MAL2: variants seen among roughly 807,000 people sequenced by gnomAD.
MAL2 encodes mal, T cell differentiation protein 2, also known as protein MAL2.
MAL2 carries 17 observed loss-of-function variants against 18.1 expected under a neutral mutation model. That is an observed-to-expected ratio of 0.94 (90% CI 0.64 to 1.41). MAL2 has a LOEUF of 1.41. Among genes scored for constraint, MAL2 ranks in the 40% most tolerant of loss-of-function variants. The pLI is 0.00. For missense variants in MAL2, 222 were observed against 231.9 expected (o/e 0.96, Z 0.28); for synonymous variants, 102 against 102.3 (o/e 1.00, Z 0.02).
At position 119,243,723 on chromosome 8, in the gene MAL2, T is replaced by G; in HGVS notation, c.*235T>G. 1 of 361,220 alleles carries G rather than the reference T, an allele frequency of 2.8e-6. No homozygotes were observed. The highest frequency in any genetic ancestry group is 4.9e-6 in the Non-Finnish European group (1 of 202,510). 22.4% of individuals were successfully genotyped at this position (361,220 alleles called of 1,614,324 possible). A position where few individuals can be genotyped will look rare whatever the true frequency, so the allele number is the denominator to read the frequency against. On this transcript the variant is annotated 3_prime_UTR_variant, in exon 4 of 4. Transcript: ENST00000614891. ...TCTCCCCTTTTTCCCTTTCCCCCTTTATTTTCCTCCTTTTCTTTCTGAAAG... is the reference window on the plus strand; with the variant it reads ...TCTCCCCTTTTTCCCTTTCCCCCTTGATTTTCCTCCTTTTCTTTCTGAAAG...
chr8:119,240,719 G>A (rs972126623), intron 3 of MAL2, among the ~76,000 whole-genome samples: 5 of 152,162 alleles, frequency 3.3e-5, no homozygotes, highest in Non-Finnish European at 1.5e-5. Context: ...AATAGTTACT[G>A]TGGGCCTACC....
intron 2 of MAL2, among the ~76,000 whole-genome samples, chr8:119,222,875 TA>T (rs1271620553): frequency 3.3e-5 from 5 of 151,918 alleles, no homozygotes; most frequent in African/African-American, 1.2e-4. Flanking sequence ...TTTTTAAAAT[TA>T]TGACACCATT....
At chr8:119,224,533 G>GT (rs1041836199) in intron 2 of MAL2, among the ~76,000 whole-genome samples, 5 of 151,900 alleles carry the variant, frequency 3.3e-5, no homozygotes, top group African/African-American at 7.3e-5. Flanking sequence ...TAATATATTG[G>GT]TTTTTTTAAG....
intron 2 of MAL2, among the ~76,000 whole-genome samples, chr8:119,230,699 TAAATGAGTGCC>T (rs1310364881): frequency 6.6e-6 from 1 of 151,366 alleles, no homozygotes; most frequent in Admixed American, 6.6e-5. Flanking sequence ...CTCAGTAAGT[TAAATGAGTGCC>T]TAATGATCTC....
intron 2 of MAL2, among the ~76,000 whole-genome samples, chr8:119,228,713 C>G (rs1220337814): frequency 6.6e-6 from 1 of 152,136 alleles, no homozygotes; most frequent in Admixed American, 6.5e-5. Flanking sequence ...TAGCTGGTGG[C>G]TCAAGCTCAG....
At chr8:119,240,380 T>C in intron 3 of MAL2, 60 bp downstream of exon 3, 2 of 1,530,510 alleles carry the variant, frequency 1.3e-6, no homozygotes, top group Non-Finnish European at 8.9e-7. Flanking sequence ...TGTCAAGGCC[T>C]CCAAGAAACT....
At position 119,223,016 on chromosome 8, in the gene MAL2, T is replaced by C. The variant is rs60152544; in HGVS notation, c.303+1259T>C. ...CAGGGAAGTTCAGGAAGAACCCCCA[T>C]TAGGTTATGATCATACTTTGGTGTT... On this transcript the variant is annotated intron_variant, in intron 2 of 3. Coordinates refer to ENST00000614891, the MANE Select transcript of MAL2 (RefSeq NM_052886.3). Among the ~76,000 whole-genome samples, 1,019 of 152,292 alleles carry C rather than the reference T, an allele frequency of 6.7e-3. 11 individuals carry two copies. The highest frequency in any genetic ancestry group is 0.023 in the African/African-American group (962 of 41,566).
intron 2 of MAL2, among the ~76,000 whole-genome samples, chr8:119,228,298 T>A (rs2129844363): frequency 6.6e-6 from 1 of 152,296 alleles, no homozygotes; most frequent in Admixed American, 6.5e-5. Flanking sequence ...CCTCTGTCCT[T>A]GTCCCTTTGG....
chr8:119,227,671 C>A (rs1358677782), intron 2 of MAL2, among the ~76,000 whole-genome samples: 1 of 152,198 alleles, frequency 6.6e-6, no homozygotes, highest in Non-Finnish European at 1.5e-5. Context: ...GTGCAGTGCA[C>A]AATTAGATGC....
intron 2 of MAL2, among the ~76,000 whole-genome samples, chr8:119,238,702 C>T (rs1817969887): frequency 1.3e-5 from 2 of 150,024 alleles, no homozygotes; most frequent in Admixed American, 1.3e-4. Flanking sequence ...ATAAATGGTG[C>T]TGGGAAAACT....
At chr8:119,214,642 A>G (rs887646112) in intron 1 of MAL2, among the ~76,000 whole-genome samples, 8 of 152,232 alleles carry the variant, frequency 5.3e-5, no homozygotes, top group African/African-American at 1.9e-4. Flanking sequence ...CCTCTGTAAT[A>G]TGAGCTTTCC....
chr8:119,235,259 A>G (rs1272905333), intron 2 of MAL2, among the ~76,000 whole-genome samples: 1 of 152,130 alleles, frequency 6.6e-6, no homozygotes, highest in African/African-American at 2.4e-5. Context: ...AAAAAAGAAT[A>G]AAAAGAAATG....
intron 2 of MAL2, 69 bp from the exon 3 acceptor site, chr8:119,240,096 C>T: frequency 2.0e-6 from 3 of 1,496,494 alleles, no homozygotes; most frequent in Non-Finnish European, 2.8e-6. Context: ...ACCTAAACTT[C>T]ATTATTTAAA....
chr8:119,237,224 C>T (rs1817926444), intron 2 of MAL2, among the ~76,000 whole-genome samples: 2 of 150,654 alleles, frequency 1.3e-5, no homozygotes, highest in South Asian at 2.1e-4. Context: ...TACACTCTCC[C>T]AAGACTAAAC....
chr8:119,236,845 G>C (rs993191850), intron 2 of MAL2, among the ~76,000 whole-genome samples: 1 of 151,150 alleles, frequency 6.6e-6, no homozygotes, highest in Non-Finnish European at 1.5e-5. Context: ...AAGCAGGAAA[G>C]ATCCAAAATT....
intron 2 of MAL2, among the ~76,000 whole-genome samples, chr8:119,230,116 C>T (rs1013569977): frequency 1.3e-5 from 2 of 152,138 alleles, no homozygotes; most frequent in African/African-American, 4.8e-5. Flanking sequence ...GGTCTAGTAC[C>T]AGGAGCTACT....
intron 3 of MAL2, among the ~76,000 whole-genome samples, chr8:119,240,760 G>T (rs1425965823): frequency 6.6e-6 from 1 of 152,202 alleles, no homozygotes; most frequent in African/African-American, 2.4e-5. Flanking sequence ...GGGTGTTGAG[G>T]ATGGGGTGAA....
intron 1 of MAL2, chr8:119,221,345 C>A: frequency 2.3e-6 from 1 of 442,022 alleles, no homozygotes; most frequent in East Asian, 3.4e-5. Flanking sequence ...AGAAGCGAGT[C>A]CAACCTGAAG....
chr8:119,235,000 C>G (rs1021735084), intron 2 of MAL2, among the ~76,000 whole-genome samples: 5 of 151,880 alleles, frequency 3.3e-5, no homozygotes, highest in African/African-American at 1.2e-4. Context: ...TTCAGACGAT[C>G]AAATTACTCT....
Sources: allele counts gnomAD v4.1 joint callset (sites outside exome capture counted in the v4.1 genomes callset), GRCh38; gene constraint gnomAD v4.1.1; transcripts MANE v1.5; gene names NCBI Gene and HGNC (gene_info 2026-07-23, HGNC 2026-07-21).